LOC400499: variants seen among roughly 807,000 people sequenced by gnomAD.
At chr16:11,479,256 G>T in the LOC400499 span, among the ~76,000 whole-genome samples, 2 of 152,138 alleles carry the variant, frequency 1.3e-5, no homozygotes, top group African/African-American at 2.4e-5. Flanking sequence ...AGTGCCCAAT[G>T]CTGAGAGACT....
the LOC400499 span, chr16:11,399,825 G>GA: frequency 2.5e-6 from 1 of 398,958 alleles, no homozygotes; most frequent in Admixed American, 4.4e-5. Flanking sequence ...CCTGCATTGG[G>GA]ATGGGAGGGC....
the LOC400499 span, among the ~76,000 whole-genome samples, chr16:11,388,873 G>C: frequency 6.6e-6 from 1 of 152,016 alleles, no homozygotes; most frequent in African/African-American, 2.4e-5. Context: ...AGTTGCTTGA[G>C]CTCAGGAGTC....
At chr16:11,518,775 C>T in the LOC400499 span, 1 of 397,414 alleles carries the variant, frequency 2.5e-6, no homozygotes. Context: ...AGAGAGGTCA[C>T]CCTAACCAAT....
At chr16:11,429,139 G>T in the LOC400499 span, among the ~76,000 whole-genome samples, 1 of 152,180 alleles carries the variant, frequency 6.6e-6, no homozygotes, top group African/African-American at 2.4e-5. Context: ...AATCCCCAGC[G>T]TCAGGGGTGG....
At chr16:11,409,118 A>G in the LOC400499 span, among the ~76,000 whole-genome samples, 2 of 152,006 alleles carry the variant, frequency 1.3e-5, no homozygotes, top group African/African-American at 4.8e-5. Flanking sequence ...AAAATTAGCC[A>G]GGCATGGTAG....
At chr16:11,395,095 C>G in the LOC400499 span, among the ~76,000 whole-genome samples, 14 of 152,344 alleles carry the variant, frequency 9.2e-5, no homozygotes, top group Admixed American at 7.8e-4. Context: ...CAGGTGGGGG[C>G]AGGGGACGGT....
At chr16:11,391,389 C>CA in the LOC400499 span, among the ~76,000 whole-genome samples, 2,185 of 137,100 alleles carry the variant, frequency 0.016, 29 homozygotes, top group Middle Eastern at 0.097. Flanking sequence ...CAAAAGAAAG[C>CA]AGGCGGGAGA....
chr16:11,456,909 G>A, the LOC400499 span: 2 of 1,536,262 alleles, frequency 1.3e-6, no homozygotes, highest in Non-Finnish European at 8.7e-7. Flanking sequence ...CTGCCCGCCT[G>A]CCACAAACAG....
the LOC400499 span, among the ~76,000 whole-genome samples, chr16:11,383,272 T>TTAGCCAGGATGG: frequency 6.6e-6 from 1 of 152,168 alleles, no homozygotes; most frequent in Non-Finnish European, 1.5e-5. Flanking sequence ...TTTCACCGTG[T>TTAGCCAGGATGG]TAGCCAGGAT....
the LOC400499 span, chr16:11,465,413 A>G: frequency 1.3e-5 from 2 of 152,126 alleles, no homozygotes; most frequent in Non-Finnish European, 2.9e-5. Flanking sequence ...TTGAAGTCAC[A>G]CATCTTCCTG....
chr16:11,394,642 C>A, the LOC400499 span, among the ~76,000 whole-genome samples: 1 of 152,106 alleles, frequency 6.6e-6, no homozygotes, highest in African/African-American at 2.4e-5. Context: ...AAGTTGAGGC[C>A]ATAGTGGATG....
At chr16:11,493,553 ATGAACAAC>A in the LOC400499 span, 1 of 392,034 alleles carries the variant, frequency 2.6e-6, no homozygotes, top group Non-Finnish European at 4.5e-6. Context: ...TACATGATGA[ATGAACAAC>A]TGAATAAGTG....
At chr16:11,518,480 A>G in the LOC400499 span, among the ~76,000 whole-genome samples, 1 of 152,022 alleles carries the variant, frequency 6.6e-6, no homozygotes, top group Non-Finnish European at 1.5e-5. Context: ...GCAGACCTCC[A>G]TGGGCCCGGC....
At chr16:11,384,284 C>G in the LOC400499 span, 8 of 1,232,458 alleles carry the variant, frequency 6.5e-6, no homozygotes, top group Non-Finnish European at 8.1e-6. Flanking sequence ...AGCTCATTGC[C>G]TGCTTCATTG....
the LOC400499 span, among the ~76,000 whole-genome samples, chr16:11,373,596 G>C: frequency 2.0e-5 from 3 of 146,840 alleles, no homozygotes; most frequent in Non-Finnish European, 4.5e-5. Flanking sequence ...AAGTGCTGGG[G>C]TTACAGGAGC....
the LOC400499 span, among the ~76,000 whole-genome samples, chr16:11,452,465 T>C: frequency 6.6e-6 from 1 of 152,272 alleles, no homozygotes; most frequent in East Asian, 1.9e-4. Flanking sequence ...GCGGGGTTCA[T>C]GATCAAGGGC....
At chr16:11,478,876 G>A in the LOC400499 span, among the ~76,000 whole-genome samples, 1 of 152,138 alleles carries the variant, frequency 6.6e-6, no homozygotes, top group African/African-American at 2.4e-5. Context: ...ATAGTGAATG[G>A]GGCTCAGGAG....
the LOC400499 span, among the ~76,000 whole-genome samples, chr16:11,388,339 G>C: frequency 2.6e-5 from 4 of 152,192 alleles, no homozygotes; most frequent in African/African-American, 7.2e-5. Flanking sequence ...AGGAAGGCAG[G>C]AGCAGGAACT....
chr16:11,443,958 C>A, the LOC400499 span, among the ~76,000 whole-genome samples: 4 of 152,074 alleles, frequency 2.6e-5, no homozygotes, highest in South Asian at 8.3e-4. Flanking sequence ...CCTAAGCCTC[C>A]GGGGTAGCTG....
Sources: allele counts gnomAD v4.1 joint callset (sites outside exome capture counted in the v4.1 genomes callset), GRCh38; gene constraint gnomAD v4.1.1; transcripts MANE v1.5.